Variants in MBNL3 observed in about 807,000 individuals in gnomAD.
MBNL3 encodes the protein muscleblind like splicing regulator 3, also known as muscleblind-like protein 3.
A neutral mutation model predicts 24.5 loss-of-function variants in MBNL3; 6 were observed. That is an observed-to-expected ratio of 0.25 (90% CI 0.13 to 0.48). The LOEUF is 0.48. Among genes scored for constraint, MBNL3 ranks in the 20% least tolerant of loss-of-function variants. MBNL3 has a pLI of 0.99. For synonymous variants in MBNL3, 100 were observed against 101.7 expected (o/e 0.98, Z 0.10); for missense variants, 230 against 293.5 (o/e 0.78, Z 1.58).
chrX:132,422,664 G>T (rs1431667862), intron 2 of MBNL3, among the ~76,000 whole-genome samples: 1 of 112,095 alleles, frequency 8.9e-6, no homozygotes, highest in Non-Finnish European at 1.9e-5. Context: ...GTTTGAACAA[G>T]TGGTGAGGAA....
chrX:132,455,844 A>G (rs1346420145), intron 1 of MBNL3, among the ~76,000 whole-genome samples: 1 of 112,209 alleles, frequency 8.9e-6, no homozygotes, highest in Non-Finnish European at 1.9e-5. Context: ...CTTCTGAGTT[A>G]TAAAGATTCA....
At chrX:132,422,127 ATGTGTGTGTGTG>A (rs113734916) in intron 2 of MBNL3, among the ~76,000 whole-genome samples, 11 of 101,968 alleles carry the variant, frequency 1.1e-4, no homozygotes, top group Non-Finnish European at 2.0e-4. Flanking sequence ...TGAATATACT[ATGTGTGTGTGTG>A]TGTGTGTGTG....
rs1933470497 is a variant in MBNL3, at chrX:132,369,963, T to C, written c.*9703A>G. On this transcript the variant is annotated 3_prime_UTR_variant, in exon 9 of 9. Coordinates refer to ENST00000370853, the MANE Select transcript of MBNL3 (RefSeq NM_001386889.1). Reference sequence around the variant, plus strand: ...CCACTTTAGAATGCTGTGCTTTTGCTTTGGACATGTTTGTACAAATGGGAA... The same window carrying C: ...CCACTTTAGAATGCTGTGCTTTTGCCTTGGACATGTTTGTACAAATGGGAA... 1.8e-5 allele frequency: 2 copies of C among 112,077 alleles called. No individual in the cohort carries two copies. The highest frequency in any genetic ancestry group is 1.9e-4 in the Admixed American group (2 of 10,547). The allele number at this position is 112,077 out of a possible 1,213,427, so 9.2% of individuals were successfully genotyped here. A position where few individuals can be genotyped will look rare whatever the true frequency, so the allele number is the denominator to read the frequency against.
chrX:132,405,360 A>C (rs1941612082), intron 3 of MBNL3, among the ~76,000 whole-genome samples: 1 of 111,285 alleles, frequency 9.0e-6, no homozygotes, highest in Non-Finnish European at 1.9e-5. Flanking sequence ...CTGGAATAGA[A>C]AGATTACATT....
intron 2 of MBNL3, among the ~76,000 whole-genome samples, chrX:132,417,444 G>T (rs1943397821): frequency 9.0e-6 from 1 of 111,249 alleles, no homozygotes; most frequent in South Asian, 3.7e-4. Context: ...CCCAAAACAA[G>T]AAAAAAATAA....
At chrX:132,488,092 G>A (rs1268973226) in intron 1 of MBNL3, among the ~76,000 whole-genome samples, 1 of 111,980 alleles carries the variant, frequency 8.9e-6, no homozygotes, top group Admixed American at 9.4e-5. Flanking sequence ...AGGCTGTGGG[G>A]ATCCCAGCTC....
intron 3 of MBNL3, among the ~76,000 whole-genome samples, chrX:132,405,035 G>A (rs1284563367): frequency 9.0e-6 from 1 of 111,534 alleles, no homozygotes; most frequent in Middle Eastern, 4.2e-3. Context: ...CTCCCTAAGA[G>A]GTGTAAAAGC....
rs752833085 is a variant in MBNL3 at position 132,454,248 on chromosome X, T to C, written c.-703-13934A>G. ...ACCAACACACACACACACACACACA[T>C]ACACACACACACACATATCAAAAGC... On this transcript the variant is annotated intron_variant, in intron 1 of 8. Transcript: ENST00000370853. Among the ~76,000 whole-genome samples, 18 of 107,978 alleles carry C rather than the reference T, an allele frequency of 1.7e-4. No individual in the cohort carries two copies. In the South Asian group the frequency reaches 5.2e-3, roughly 31 times the overall value. 93.8% of individuals were successfully genotyped at this position (107,978 alleles called of 115,157 possible).
chrX:132,381,887 G>A lies in MBNL3; in HGVS notation c.1053+291C>T, dbSNP rs140670124. Among the ~76,000 whole-genome samples, 680 of 111,939 alleles carry A rather than the reference G, an allele frequency of 6.1e-3. 7 individuals carry two copies. Among genetic ancestry groups the A allele is most frequent in the African/African-American group, 0.021 (652 of 30,860 alleles). On this transcript the variant is annotated intron_variant, in intron 8 of 8. Transcript: ENST00000370853. ...TCTTGACCAATGAGGAAGCATTTAA[G>A]TAACATTAAGTATATACATTTGAGG... is the stretch of plus-strand genomic sequence containing the variant.
At chrX:132,382,400 ACAT>A in intron 7 of MBNL3, 128 bp from the exon 8 acceptor site, 1 of 446,825 alleles carries the variant, frequency 2.2e-6, no homozygotes, top group South Asian at 5.5e-5. Flanking sequence ...AACGATGAAT[ACAT>A]CAGGGTGTTC....
At chrX:132,406,415 A>G in intron 2 of MBNL3, 23 bp from the exon 3 acceptor site, 1 of 1,154,826 alleles carries the variant, frequency 8.7e-7, no homozygotes, top group Non-Finnish European at 1.2e-6. Context: ...AATAGGGAAA[A>G]TATTAAATTA....
chrX:132,413,219 A>G (rs1011223903), intron 2 of MBNL3, among the ~76,000 whole-genome samples: 1 of 111,642 alleles, frequency 9.0e-6, no homozygotes, highest in Non-Finnish European at 1.9e-5. Context: ...AGCCAGGACA[A>G]AGAGGGTACC....
intron 2 of MBNL3, chrX:132,411,157 AC>A: frequency 2.7e-6 from 2 of 753,233 alleles, no homozygotes; most frequent in African/African-American, 2.3e-5. Flanking sequence ...CCAGCCAAGT[AC>A]CCCCCACCAT....
chrX:132,442,107 C>T (rs1038201025), intron 1 of MBNL3, among the ~76,000 whole-genome samples: 6 of 111,030 alleles, frequency 5.4e-5, no homozygotes, highest in African/African-American at 2.0e-4. Context: ...GGGATAAGGG[C>T]GAATGACTGC....
rs370390027 is a variant in MBNL3 at position 132,458,307 on chromosome X, TA to T, written c.-703-17994del. Among the ~76,000 whole-genome samples, 568 of 98,970 alleles carry T rather than the reference TA, an allele frequency of 5.7e-3. 1 individual carries two copies. The highest frequency in any genetic ancestry group is 6.1e-3 in the African/African-American group (166 of 27,334). 85.9% of individuals were successfully genotyped at this position (98,970 alleles called of 115,157 possible). ...AATCCTGATGTTATATACCCTTCAT[TA>T]AAAAAAAAAAAAACTTATGTGTAGG... On this transcript the variant is annotated intron_variant, in intron 1 of 8. Coordinates refer to ENST00000370853, the MANE Select transcript of MBNL3 (RefSeq NM_001386889.1).
At chrX:132,447,530 T>C (rs745382437) in intron 1 of MBNL3, among the ~76,000 whole-genome samples, 4 of 111,726 alleles carry the variant, frequency 3.6e-5, no homozygotes, top group Non-Finnish European at 7.5e-5. Flanking sequence ...TGAATGGGAG[T>C]TCACTCATGA....
rs190687318 is a variant in MBNL3, at chrX:132,369,562, A to G, written c.*10104T>C. 1.6e-3 allele frequency: 174 copies of G among 111,460 alleles called. No individual in the cohort carries two copies. The highest frequency in any genetic ancestry group is 5.4e-3 in the African/African-American group (165 of 30,685). The allele number at this position is 111,460 out of a possible 1,213,427, so 9.2% of individuals were successfully genotyped here. On this transcript the variant is annotated 3_prime_UTR_variant, in exon 9 of 9. Transcript: ENST00000370853. Reference sequence around the variant, plus strand: ...TACATTGAACCTCTATGGGTTAATCATCGTCTTCTGTAGCCATAAGGTCTC... The same window carrying G: ...TACATTGAACCTCTATGGGTTAATCGTCGTCTTCTGTAGCCATAAGGTCTC...
chrX:132,393,139 CTA>C (rs1175263135), intron 3 of MBNL3, among the ~76,000 whole-genome samples: 1 of 110,555 alleles, frequency 9.0e-6, no homozygotes, highest in East Asian at 2.8e-4. Context: ...CACAAACACT[CTA>C]ATTATACTCT....
In MBNL3 at chrX:132,441,552, G is replaced by A. The variant is rs752646558; in HGVS notation, c.-703-1238C>T. The stretch of plus-strand genomic sequence containing the variant: ...TGCAGGCAAATGACTTCTAGGAAAA[G>A]TATTTTAAAAATAACCTGATGATAG... On this transcript the variant is annotated intron_variant, in intron 1 of 8. Transcript: ENST00000370853. Among the ~76,000 whole-genome samples the A allele has an allele frequency of 2.5e-4, 28 of 112,146 alleles. 1 individual carries two copies. The highest frequency in any genetic ancestry group is 9.1e-4 in the African/African-American group (28 of 30,895).
Sources: gnomAD v4.1 joint callset for allele counts (sites outside exome capture counted in the v4.1 genomes callset) on GRCh38, gnomAD v4.1.1 for gene constraint, MANE v1.5 for transcripts, NCBI Gene and HGNC (gene_info 2026-07-23, HGNC 2026-07-21) for gene names.